Variants in NAALADL2 observed in about 807,000 individuals in gnomAD.
NAALADL2 encodes the protein inactive N-acetylated-alpha-linked acidic dipeptidase-like protein 2.
NAALADL2 carries 76 observed loss-of-function variants against 87.2 expected under a neutral mutation model. That is an observed-to-expected ratio of 0.87 (90% CI 0.72 to 1.05). NAALADL2 has a LOEUF of 1.05. NAALADL2 is among the 50% of genes least tolerant of loss of function. The pLI, the probability that NAALADL2 is intolerant of heterozygous loss-of-function variation, is 0.00. For missense variants in NAALADL2, 1,089 were observed against 945.8 expected (o/e 1.15, Z -1.99); for synonymous variants, 354 against 331.0 (o/e 1.07, Z -0.75).
chr3:175,181,109 C>T (rs1736397993), intron 2 of NAALADL2, among the ~76,000 whole-genome samples: 2 of 151,912 alleles, frequency 1.3e-5, no homozygotes, highest in South Asian at 2.1e-4. Context: ...TGTCTGTTAG[C>T]GTTTTGGTGA....
At chr3:174,797,047 A>G (rs1469144056) in intron 3 of NAALADL2, among the ~76,000 whole-genome samples, 1 of 152,242 alleles carries the variant, frequency 6.6e-6, no homozygotes, top group Admixed American at 6.5e-5. Context: ...AATCTCCAGA[A>G]GAGTTCTTCA....
intron 2 of NAALADL2, among the ~76,000 whole-genome samples, chr3:174,598,166 T>C (rs376126608): frequency 2.0e-5 from 3 of 152,280 alleles, no homozygotes; most frequent in Admixed American, 6.5e-5. Context: ...CCTAGTTTTC[T>C]TAGTAGCCAT....
chr3:174,592,258 ATTATTATACTTTAAG>A (rs1226119813), intron 2 of NAALADL2, among the ~76,000 whole-genome samples: 1 of 122,162 alleles, frequency 8.2e-6, no homozygotes, highest in African/African-American at 3.5e-5. Flanking sequence ...TTATTTTGTT[ATTATTATACTTTAAG>A]TTTTAGGGTG....
At chr3:175,636,588 C>T (rs1582720255) in intron 11 of NAALADL2, among the ~76,000 whole-genome samples, 2 of 150,120 alleles carry the variant, frequency 1.3e-5, no homozygotes, top group Non-Finnish European at 3.0e-5. Context: ...AATCCCAGTA[C>T]ATGGGAAGCT....
intron 6 of NAALADL2, among the ~76,000 whole-genome samples, 168 bp downstream of exon 6, chr3:175,447,540 T>TA (rs1388487023): frequency 2.6e-5 from 4 of 152,222 alleles, no homozygotes; most frequent in Non-Finnish European, 5.9e-5. Context: ...GTTTGGAAAG[T>TA]AATTTTGATA....
At chr3:175,196,243 A>G (rs1024560004) in intron 2 of NAALADL2, among the ~76,000 whole-genome samples, 2 of 151,934 alleles carry the variant, frequency 1.3e-5, no homozygotes, top group African/African-American at 4.8e-5. Flanking sequence ...TCCTGATCAT[A>G]AACCTGATTG....
At chr3:175,139,275 T>TA (rs1729629397) in intron 2 of NAALADL2, among the ~76,000 whole-genome samples, 1 of 151,948 alleles carries the variant, frequency 6.6e-6, no homozygotes, top group South Asian at 2.1e-4. Context: ...CTGGAAATCA[T>TA]AAAAAAATAA....
At chr3:175,041,201 T>A (rs1490740809) in intron 1 of NAALADL2, among the ~76,000 whole-genome samples, 1 of 152,114 alleles carries the variant, frequency 6.6e-6, no homozygotes, top group Admixed American at 6.6e-5. Context: ...TGGAGTACAG[T>A]GTTCTTCATT....
chr3:175,097,258 C>T lies in NAALADL2; in HGVS notation c.512C>T (p.Thr171Ile). Residue 171 changes from threonine (T) to isoleucine (I), a missense_variant, in exon 2 of 14, where the codon ACA becomes ATA. Thr to Ile is a moderately conservative substitution (Grantham distance 89, BLOSUM62 -1). Coordinates refer to ENST00000454872, the MANE Select transcript of NAALADL2 (RefSeq NM_207015.3). ...CAGTTATATCAAGAGATTCTCAAGACAATCCAGGCAGAAGATATTAAGAAG... is the reference window on the plus strand; with the variant it reads ...CAGTTATATCAAGAGATTCTCAAGATAATCCAGGCAGAAGATATTAAGAAG... ...DPQLYQEILK[T>I]IQAEDIKKSF... 1.2e-6 allele frequency: 2 copies of T among 1,612,206 alleles called. No individual in the cohort carries two copies. The highest frequency in any genetic ancestry group is 1.7e-6 in the Non-Finnish European group (2 of 1,178,840).
At chr3:175,389,734 G>C (rs1190562149) in intron 5 of NAALADL2, among the ~76,000 whole-genome samples, 1 of 152,198 alleles carries the variant, frequency 6.6e-6, no homozygotes, top group Non-Finnish European at 1.5e-5. Context: ...TGGAAAAGCA[G>C]AGGCTAGAAG....
At chr3:175,147,740 C>G (rs1730954453) in intron 2 of NAALADL2, among the ~76,000 whole-genome samples, 1 of 152,202 alleles carries the variant, frequency 6.6e-6, no homozygotes, top group Admixed American at 6.6e-5. Flanking sequence ...TTCTCTGCAG[C>G]CTCGTCAGCA....
In NAALADL2 at chr3:175,806,718, T is replaced by G. The variant is rs1048248614; in HGVS notation, c.*3515T>G. On this transcript the variant is annotated 3_prime_UTR_variant, in exon 14 of 14. Coordinates refer to ENST00000454872, the MANE Select transcript of NAALADL2 (RefSeq NM_207015.3). ...TTTTTTTTTTTTTTTTTTTTTTAAT[T>G]CCCACAACAACCCATTTCAAAATGA... The G allele has an allele frequency of 7.0e-6, 1 of 143,690 alleles. No homozygotes were observed. Among genetic ancestry groups the G allele is most frequent in the Non-Finnish European group, 1.5e-5 (1 of 65,824 alleles). The allele number at this position is 143,690 out of a possible 1,614,324, so 8.9% of individuals were successfully genotyped here.
At chr3:175,350,294 A>G (rs1263588865) in intron 5 of NAALADL2, among the ~76,000 whole-genome samples, 1 of 152,190 alleles carries the variant, frequency 6.6e-6, no homozygotes, top group African/African-American at 2.4e-5. Context: ...ATTCTGATAA[A>G]CTGATTAAAA....
intron 5 of NAALADL2, among the ~76,000 whole-genome samples, chr3:175,334,126 ATC>A (rs1761722226): frequency 6.6e-6 from 1 of 152,126 alleles, no homozygotes; most frequent in African/African-American, 2.4e-5. Flanking sequence ...TTCTCCAAAA[ATC>A]TCTAGATCCT....
At chr3:175,499,605 G>A (rs1026359294) in intron 9 of NAALADL2, among the ~76,000 whole-genome samples, 2 of 151,864 alleles carry the variant, frequency 1.3e-5, no homozygotes, top group Non-Finnish European at 2.9e-5. Flanking sequence ...TATGAATTGT[G>A]GGATTTATGC....
intron 4 of NAALADL2, among the ~76,000 whole-genome samples, chr3:175,318,138 T>TTA (rs1759385531): frequency 6.6e-6 from 1 of 152,082 alleles, no homozygotes; most frequent in Admixed American, 6.6e-5. Flanking sequence ...AGTATTTATA[T>TTA]TATATATATG....
At chr3:175,564,815 C>T (rs895251041) in intron 9 of NAALADL2, among the ~76,000 whole-genome samples, 9 of 152,132 alleles carry the variant, frequency 5.9e-5, no homozygotes, top group African/African-American at 2.2e-4. Context: ...ATCTTTTCAA[C>T]GTGTTCAAAG....
intron 5 of NAALADL2, among the ~76,000 whole-genome samples, chr3:175,364,846 T>A (rs1270521264): frequency 6.8e-6 from 1 of 147,832 alleles, no homozygotes; most frequent in Admixed American, 6.9e-5. Flanking sequence ...AGATCACAAG[T>A]TAGTCAGTGG....
chr3:175,757,137 C>T (rs1747376437), intron 13 of NAALADL2, among the ~76,000 whole-genome samples: 1 of 151,758 alleles, frequency 6.6e-6, no homozygotes, highest in Admixed American at 6.6e-5. Context: ...CCATTCTTCC[C>T]CCAATATCTC....
Sources: allele counts gnomAD v4.1 joint callset (sites outside exome capture counted in the v4.1 genomes callset), GRCh38; gene constraint gnomAD v4.1.1; transcripts MANE v1.5; gene names NCBI Gene and HGNC (gene_info 2026-07-23, HGNC 2026-07-21).